Variants in DLG2 observed in about 807,000 individuals in gnomAD.
DLG2 encodes discs large MAGUK scaffold protein 2, also known as disks large homolog 2.
A neutral mutation model predicts 132.5 loss-of-function variants in DLG2; 45 were observed. The ratio of observed to expected loss-of-function variants is 0.34; its 90% CI spans 0.27 to 0.44. The LOEUF is 0.44. DLG2 is among the 20% of genes least tolerant of loss of function. DLG2 has a pLI of 1.00. For synonymous variants in DLG2, 424 were observed against 419.6 expected (o/e 1.01, Z -0.13); for missense variants, 1,045 against 1,196.9 (o/e 0.87, Z 1.87).
At chr11:84,403,393 C>A (rs1279943089) in intron 7 of DLG2, among the ~76,000 whole-genome samples, 1 of 152,140 alleles carries the variant, frequency 6.6e-6, no homozygotes, top group East Asian at 1.9e-4. Context: ...TCCCTGACAG[C>A]CAATCAATTG....
intron 2 of DLG2, among the ~76,000 whole-genome samples, chr11:85,623,525 G>T (rs902799134): frequency 6.6e-6 from 1 of 152,102 alleles, no homozygotes; most frequent in African/African-American, 2.4e-5. Context: ...GGCTGGTCTT[G>T]AACTCCTGAC....
intron 15 of DLG2, among the ~76,000 whole-genome samples, chr11:83,924,275 A>T (rs2078521411): frequency 6.6e-6 from 1 of 152,136 alleles, no homozygotes; most frequent in African/African-American, 2.4e-5. Context: ...TTAAAACATT[A>T]AAGGCCCAGT....
At chr11:83,464,548 T>C (rs993431753) in intron 26 of DLG2, among the ~76,000 whole-genome samples, 9 of 152,234 alleles carry the variant, frequency 5.9e-5, no homozygotes, top group Non-Finnish European at 8.8e-5. Context: ...CCCATGAATA[T>C]GGCTGCAGCA....
intron 4 of DLG2, among the ~76,000 whole-genome samples, chr11:85,192,868 G>A (rs1383735361): frequency 6.6e-6 from 1 of 152,150 alleles, no homozygotes; most frequent in Non-Finnish European, 1.5e-5. Context: ...TCCTGTGGCA[G>A]CATGGAAAGC....
Position 84,755,048 on chromosome 11 carries a change from T to G in DLG2, c.358-220317A>C, listed in dbSNP as rs372436925. Among the ~76,000 whole-genome samples, 11 of 152,342 alleles carry G rather than the reference T, an allele frequency of 7.2e-5. No homozygotes were observed. The East Asian group carries it at 2.1e-3, about 29-fold the overall frequency. On this transcript the variant is annotated intron_variant, in intron 6 of 27. Transcript: ENST00000376104. ...ACTTGTATTAAAAATCCCAAATTTT[T>G]GCAGCTTCTCCAACATATCTTTTAC...
rs117400675 is a variant in DLG2, at chr11:84,950,668, C to T, written c.357+160993G>A. ...TTCTTGTGTGGAGTCAGTTTCTTTGCTCTTGCTCCTTTTCTCTTGTTCCCT... is the reference window on the plus strand; with the variant it reads ...TTCTTGTGTGGAGTCAGTTTCTTTGTTCTTGCTCCTTTTCTCTTGTTCCCT... On this transcript the variant is annotated intron_variant, in intron 6 of 27. Coordinates refer to ENST00000376104, the MANE Select transcript of DLG2 (RefSeq NM_001142699.3). Among the ~76,000 whole-genome samples the T allele has an allele frequency of 1.9e-3, 292 of 152,110 alleles. 3 individuals carry two copies. In the East Asian group the frequency reaches 0.027, roughly 14 times the overall value.
chr11:85,285,379 G>A lies in DLG2; in HGVS notation c.41-14C>T. The A allele has an allele frequency of 6.2e-7, 1 of 1,607,886 alleles. No homozygotes were observed. The highest frequency in any genetic ancestry group is 1.1e-5 in the South Asian group (1 of 90,760). ...ATTCTTGGATATCTGTAAAGAAAAT[G>A]TAAGGAAAGCATCAAAATGTAATGC... On this transcript the variant is annotated splice_polypyrimidine_tract_variant and intron_variant, in intron 3 of 27. Transcript: ENST00000376104.
At chr11:84,020,575 T>C (rs1251263678) in intron 11 of DLG2, among the ~76,000 whole-genome samples, 1 of 152,182 alleles carries the variant, frequency 6.6e-6, no homozygotes, top group Admixed American at 6.5e-5. Context: ...AAAGATGAAA[T>C]CACTGTCAAG....
At chr11:83,990,853 T>C (rs1210841004) in intron 11 of DLG2, among the ~76,000 whole-genome samples, 2 of 152,134 alleles carry the variant, frequency 1.3e-5, no homozygotes, top group Non-Finnish European at 2.9e-5. Context: ...AGTAGTTTTC[T>C]GCACATTCTG....
At chr11:84,489,674 T>A (rs576316666) in intron 7 of DLG2, among the ~76,000 whole-genome samples, 1 of 152,238 alleles carries the variant, frequency 6.6e-6, no homozygotes, top group East Asian at 1.9e-4. Flanking sequence ...GATGCTTGTA[T>A]TCGTATTATT....
chr11:85,545,290 G>C (rs2076236089), intron 3 of DLG2, among the ~76,000 whole-genome samples: 1 of 152,080 alleles, frequency 6.6e-6, no homozygotes, highest in Non-Finnish European at 1.5e-5. Flanking sequence ...TGGATTACGT[G>C]TATTGATTTG....
intron 6 of DLG2, among the ~76,000 whole-genome samples, chr11:84,750,151 T>C (rs931221959): frequency 6.6e-6 from 1 of 151,632 alleles, no homozygotes; most frequent in Non-Finnish European, 1.5e-5. Flanking sequence ...TGCTCTGTAC[T>C]TTTTTTTTCC....
At chr11:84,557,667 T>A (rs1246057289) in intron 6 of DLG2, among the ~76,000 whole-genome samples, 2 of 152,144 alleles carry the variant, frequency 1.3e-5, no homozygotes, top group East Asian at 3.9e-4. Flanking sequence ...TACCATTTTT[T>A]TTTTTCTGAG....
chr11:84,923,746 C>A (rs2155413), intron 6 of DLG2, among the ~76,000 whole-genome samples: 84,199 of 151,790 alleles, frequency 0.55, 24,866 homozygotes, highest in East Asian at 0.82. Flanking sequence ...ACCAGAGGAT[C>A]ATTGTCATAT....
intron 4 of DLG2, among the ~76,000 whole-genome samples, chr11:85,269,849 T>C (rs1419292123): frequency 1.3e-5 from 2 of 152,208 alleles, no homozygotes; most frequent in Non-Finnish European, 2.9e-5. Context: ...TGAGAAATTA[T>C]TTAAATTTTC....
chr11:85,360,913 G>A (rs2084093048), intron 3 of DLG2, among the ~76,000 whole-genome samples: 1 of 152,154 alleles, frequency 6.6e-6, no homozygotes, highest in African/African-American at 2.4e-5. Context: ...AATGACTACA[G>A]TGGTAATAAT....
intron 3 of DLG2, among the ~76,000 whole-genome samples, chr11:85,582,551 C>T (rs556022996): frequency 1.9e-4 from 28 of 150,504 alleles, no homozygotes; most frequent in South Asian, 4.2e-4. Context: ...AGGCTGGGCA[C>T]GGTGGCTTAT....
chr11:85,053,155 T>C (rs992979497), intron 6 of DLG2, among the ~76,000 whole-genome samples: 90 of 152,218 alleles, frequency 5.9e-4, no homozygotes, highest in African/African-American at 2.1e-3. Context: ...ATGGCCTCAG[T>C]TTTCTCTCTG....
intron 6 of DLG2, among the ~76,000 whole-genome samples, chr11:84,751,641 A>G (rs756940287): frequency 3.3e-5 from 5 of 152,150 alleles, no homozygotes; most frequent in Non-Finnish European, 4.4e-5. Flanking sequence ...TGAACACTAC[A>G]ACTCAAGAAA....
Sources: allele counts gnomAD v4.1 joint callset (sites outside exome capture counted in the v4.1 genomes callset), GRCh38; gene constraint gnomAD v4.1.1; transcripts MANE v1.5; gene names NCBI Gene and HGNC (gene_info 2026-07-23, HGNC 2026-07-21).